Variants in SUPT3H observed in about 807,000 individuals in gnomAD.
SUPT3H encodes SPT3 homolog, SAGA and STAGA complex component.
In SUPT3H, 44 loss-of-function variants were observed where a neutral mutation model predicts 44.3. The observed-to-expected ratio is 0.99, with a 90% CI of 0.78 to 1.28. The LOEUF is 1.28. Ranked by LOEUF, SUPT3H falls within the 50% of genes most tolerant of loss-of-function variation. The pLI, the probability that SUPT3H is intolerant of heterozygous loss-of-function variation, is 0.00. For synonymous variants in SUPT3H, 124 were observed against 125.6 expected (o/e 0.99, Z 0.09); for missense variants, 380 against 387.1 (o/e 0.98, Z 0.15).
chr6:44,842,735 CA>C (rs1468853574), intron 10 of SUPT3H, among the ~76,000 whole-genome samples: 1 of 152,152 alleles, frequency 6.6e-6, no homozygotes, highest in Admixed American at 6.5e-5. Flanking sequence ...TGATTACAGA[CA>C]GGCCTATTTA....
At chr6:45,310,387 T>C (rs1783750322) in intron 2 of SUPT3H, among the ~76,000 whole-genome samples, 1 of 152,122 alleles carries the variant, frequency 6.6e-6, no homozygotes, top group Non-Finnish European at 1.5e-5. Context: ...CTGGGAGTTC[T>C]AGGGCCCCAC....
chr6:44,836,183 A>C (rs1267930660), intron 10 of SUPT3H, among the ~76,000 whole-genome samples: 1 of 152,202 alleles, frequency 6.6e-6, no homozygotes, highest in African/African-American at 2.4e-5. Flanking sequence ...TCATTAGCAA[A>C]CATAAATACA....
intron 2 of SUPT3H, among the ~76,000 whole-genome samples, chr6:45,210,580 T>C (rs1338291044): frequency 6.6e-6 from 1 of 152,154 alleles, no homozygotes; most frequent in Non-Finnish European, 1.5e-5. Flanking sequence ...TTGATTGATA[T>C]CTCATGTCTC....
intron 2 of SUPT3H, among the ~76,000 whole-genome samples, chr6:45,342,408 C>G (rs899710147): frequency 2.0e-5 from 3 of 151,978 alleles, no homozygotes; most frequent in Admixed American, 1.3e-4. Context: ...ACTACAGGTG[C>G]GCACCACCAC....
intron 2 of SUPT3H, among the ~76,000 whole-genome samples, chr6:45,172,765 T>C (rs1327941426): frequency 6.6e-6 from 1 of 151,960 alleles, no homozygotes; most frequent in East Asian, 1.9e-4. Flanking sequence ...CTAATTTTTG[T>C]ATTTTTATTG....
intron 3 of SUPT3H, among the ~76,000 whole-genome samples, chr6:45,104,183 C>T (rs1349731114): frequency 6.6e-6 from 1 of 151,956 alleles, no homozygotes; most frequent in Non-Finnish European, 1.5e-5. Flanking sequence ...ACAAAATAGG[C>T]CATATGCTTC....
chr6:45,259,423 TTA>T (rs1276854405), intron 2 of SUPT3H, among the ~76,000 whole-genome samples: 1 of 152,166 alleles, frequency 6.6e-6, no homozygotes, highest in Admixed American at 6.6e-5. Context: ...CTTTTTCTGT[TTA>T]TGTCTTTGGA....
intron 2 of SUPT3H, among the ~76,000 whole-genome samples, chr6:45,112,488 C>T (rs904781063): frequency 1.3e-5 from 2 of 151,906 alleles, no homozygotes; most frequent in African/African-American, 2.4e-5. Flanking sequence ...TTTAACAGGC[C>T]TAACTTTGAG....
intron 3 of SUPT3H, among the ~76,000 whole-genome samples, chr6:45,038,952 T>C (rs1251028774): frequency 6.6e-6 from 1 of 152,146 alleles, no homozygotes; most frequent in African/African-American, 2.4e-5. Context: ...GTAACTAGAT[T>C]TAATCATCAG....
chr6:45,093,086 T>G (rs958742404), intron 3 of SUPT3H, among the ~76,000 whole-genome samples: 5 of 151,866 alleles, frequency 3.3e-5, no homozygotes, highest in Non-Finnish European at 4.4e-5. Flanking sequence ...AACACCCCAA[T>G]AAAACATCGC....
chr6:44,926,453 G>A (rs2153458816), intron 10 of SUPT3H, among the ~76,000 whole-genome samples: 1 of 152,128 alleles, frequency 6.6e-6, no homozygotes, highest in Middle Eastern at 3.4e-3. Context: ...TACTGTTCAT[G>A]ACTGATAAAT....
intron 2 of SUPT3H, among the ~76,000 whole-genome samples, chr6:45,165,247 A>G (rs1809653090): frequency 6.6e-6 from 1 of 152,210 alleles, no homozygotes; most frequent in South Asian, 2.1e-4. Context: ...CAGAGAGCCC[A>G]TACTAAGCAC....
chr6:45,132,970 C>T (rs1803710814), intron 2 of SUPT3H, among the ~76,000 whole-genome samples: 1 of 152,138 alleles, frequency 6.6e-6, no homozygotes, highest in Admixed American at 6.5e-5. Flanking sequence ...GAGTACACAT[C>T]CTGAACTCTT....
chr6:45,065,302 T>C (rs1793059062), intron 3 of SUPT3H, among the ~76,000 whole-genome samples: 1 of 138,214 alleles, frequency 7.2e-6, no homozygotes, highest in Admixed American at 7.2e-5. Flanking sequence ...CTGGGACGCA[T>C]TCAAAGCAGT....
At chr6:45,366,130 T>C (rs1364924796) in intron 1 of SUPT3H, among the ~76,000 whole-genome samples, 5 of 152,236 alleles carry the variant, frequency 3.3e-5, no homozygotes, top group Admixed American at 2.0e-4. Flanking sequence ...AGTTATTATT[T>C]CATATGCTTG....
intron 2 of SUPT3H, among the ~76,000 whole-genome samples, chr6:45,167,588 A>G (rs1378744564): frequency 2.0e-5 from 3 of 150,968 alleles, no homozygotes; most frequent in African/African-American, 7.3e-5. Context: ...GTATCTTTTG[A>G]TCAAACTCAA....
intron 3 of SUPT3H, among the ~76,000 whole-genome samples, chr6:45,026,470 T>C (rs1436675713): frequency 1.3e-5 from 2 of 152,152 alleles, no homozygotes; most frequent in Non-Finnish European, 2.9e-5. Flanking sequence ...TGGCCATATA[T>C]TGTGTCCCTA....
chr6:44,876,414 A>G (rs1413820707), intron 10 of SUPT3H, among the ~76,000 whole-genome samples: 1 of 116,780 alleles, frequency 8.6e-6, no homozygotes, highest in East Asian at 2.6e-4. Context: ...CAAAAAACCA[A>G]ACACCGCATA....
At chr6:45,199,853 G>A (rs1762201928) in intron 2 of SUPT3H, among the ~76,000 whole-genome samples, 1 of 151,342 alleles carries the variant, frequency 6.6e-6, no homozygotes, top group Non-Finnish European at 1.5e-5. Context: ...GTTTTTCAAA[G>A]ATTAGTTAAA....
Sources: gnomAD v4.1 joint callset for allele counts (sites outside exome capture counted in the v4.1 genomes callset) on GRCh38, gnomAD v4.1.1 for gene constraint, MANE v1.5 for transcripts, NCBI Gene and HGNC (gene_info 2026-07-23, HGNC 2026-07-21) for gene names.